Variants in GNG7 observed in about 807,000 individuals in gnomAD.
GNG7 encodes G protein subunit gamma 7, also known as guanine nucleotide-binding protein G(I)/G(S)/G(O) subunit gamma-7.
GNG7 carries 1 observed loss-of-function variant against 4.0 expected under a neutral mutation model. The ratio of observed to expected loss-of-function variants is 0.25; its 90% CI spans 0.09 to 1.18. GNG7 has a LOEUF of 1.18. Among genes scored for constraint, GNG7 ranks in the 50% most tolerant of loss-of-function variants. The pLI is 0.50. For synonymous variants in GNG7, 34 were observed against 36.9 expected (o/e 0.92, Z 0.29); for missense variants, 86 against 91.9 (o/e 0.94, Z 0.26).
chr19:2,662,331 C>T (rs1264435776), intron 1 of GNG7, among the ~76,000 whole-genome samples: 1 of 151,718 alleles, frequency 6.6e-6, no homozygotes, highest in Non-Finnish European at 1.5e-5. Context: ...TCCCCACACA[C>T]CAGCTAGCTG....
At chr19:2,619,909 C>T (rs767474628) in intron 2 of GNG7, among the ~76,000 whole-genome samples, 1 of 151,580 alleles carries the variant, frequency 6.6e-6, no homozygotes, top group Non-Finnish European at 1.5e-5. Context: ...GTGAGTTTTA[C>T]GCTGTGTCAG....
intron 2 of GNG7, among the ~76,000 whole-genome samples, chr19:2,621,471 GCA>G (rs1981867106): frequency 5.3e-5 from 8 of 152,018 alleles, no homozygotes; most frequent in Admixed American, 2.0e-4. Context: ...GCCGAGGTGG[GCA>G]GATCACCTGA....
chr19:2,616,323 C>A (rs1981723048), intron 2 of GNG7, among the ~76,000 whole-genome samples: 1 of 152,092 alleles, frequency 6.6e-6, no homozygotes, highest in African/African-American at 2.4e-5. Context: ...CGACTCATTG[C>A]AACCTCTGCC....
intron 2 of GNG7, among the ~76,000 whole-genome samples, chr19:2,604,212 C>T (rs868812838): frequency 6.6e-6 from 1 of 151,824 alleles, no homozygotes; most frequent in Non-Finnish European, 1.5e-5. Flanking sequence ...ATAATATGCC[C>T]GTCTCCCAGC....
Position 2,557,462 on chromosome 19 carries a change from C to T in GNG7, c.-77-2274G>A, listed in dbSNP as rs979313675. On this transcript the variant is annotated intron_variant, in intron 2 of 4. Coordinates refer to ENST00000382159, the MANE Select transcript of GNG7 (RefSeq NM_052847.3). The surrounding 1 kb of genome is among the most constrained non-coding windows in gnomAD (Gnocchi z 5.1). ...AGTAAACATGCACAGACTCAAGAAA[C>T]GAGGGGCTGCAGGACTTTTCCTCCT... Among the ~76,000 whole-genome samples the T allele has an allele frequency of 2.0e-5, 3 of 152,188 alleles. No homozygotes were observed. Among genetic ancestry groups the T allele is most frequent in the African/African-American group, 7.2e-5 (3 of 41,454 alleles).
chr19:2,566,877 C>A (rs539824744), intron 2 of GNG7, among the ~76,000 whole-genome samples: 1 of 152,132 alleles, frequency 6.6e-6, no homozygotes, highest in East Asian at 1.9e-4. Flanking sequence ...CCGAGGCAGG[C>A]GGATCATCTG....
chr19:2,577,217 G>C (rs1394376741), intron 2 of GNG7, among the ~76,000 whole-genome samples: 1 of 152,182 alleles, frequency 6.6e-6, no homozygotes, highest in African/African-American at 2.4e-5. Context: ...CAGGAGTCCG[G>C]GAACAGCCAA....
intron 2 of GNG7, among the ~76,000 whole-genome samples, chr19:2,563,771 C>G (rs1003039910): frequency 6.6e-6 from 1 of 152,100 alleles, no homozygotes; most frequent in Admixed American, 6.6e-5. Flanking sequence ...CATGAGCCAC[C>G]GCGCCCGGCC....
intron 1 of GNG7, among the ~76,000 whole-genome samples, chr19:2,691,286 G>A (rs372681159): frequency 1.4e-4 from 22 of 152,272 alleles, no homozygotes; most frequent in African/African-American, 3.9e-4. Context: ...ACGCATATCC[G>A]TAATCCCAGC....
chr19:2,541,584 AC>A (rs1411916347), intron 3 of GNG7, among the ~76,000 whole-genome samples: 3 of 151,290 alleles, frequency 2.0e-5, no homozygotes, highest in Non-Finnish European at 4.4e-5. Context: ...AATACAAAAA[AC>A]AAAAAAATTA....
intron 2 of GNG7, among the ~76,000 whole-genome samples, chr19:2,631,252 AG>A (rs1395324610): frequency 2.0e-5 from 3 of 152,158 alleles, no homozygotes; most frequent in Admixed American, 2.0e-4. Flanking sequence ...TCACAGAGCC[AG>A]TAGGTGGCAG....
chr19:2,633,651 T>G lies in GNG7; in HGVS notation c.-78+12573A>C, dbSNP rs558646620. Among the ~76,000 whole-genome samples, 1 of 151,856 alleles carries G rather than the reference T, an allele frequency of 6.6e-6. No homozygotes were observed. The highest frequency in any genetic ancestry group is 1.9e-4 in the East Asian group (1 of 5,132). ...AGTCAGGTGGTCGCAATAACAGCTC[T>G]GAAACGGGGATTCATTGAGAGGACA... On this transcript the variant is annotated intron_variant, in intron 2 of 4. Transcript: ENST00000382159. The surrounding 1 kb of genome is among the most constrained non-coding windows in gnomAD (Gnocchi z 5.9).
intron 2 of GNG7, among the ~76,000 whole-genome samples, chr19:2,566,527 C>T (rs1330313329): frequency 1.7e-4 from 26 of 152,272 alleles, no homozygotes; most frequent in Admixed American, 1.7e-3. Flanking sequence ...AGCCTGGCTC[C>T]GGGGGAAGGG....
At position 2,680,253 on chromosome 19, in the gene GNG7, T is replaced by A. The variant is rs1269391084; in HGVS notation, c.-135+22393A>T. On this transcript the variant is annotated intron_variant, in intron 1 of 4. Coordinates refer to ENST00000382159, the MANE Select transcript of GNG7 (RefSeq NM_052847.3). ...ACCTCCACCTCCCAGGTTCAAGTGA[T>A]TCTCTCTGCCTTAGCCTCCCCGAGT... Among the ~76,000 whole-genome samples the A allele has an allele frequency of 2.0e-5, 3 of 151,008 alleles. No homozygotes were observed. The East Asian group carries it at 5.8e-4, about 29-fold the overall frequency.
intron 2 of GNG7, among the ~76,000 whole-genome samples, chr19:2,619,338 C>G (rs1981805478): frequency 6.6e-6 from 1 of 152,224 alleles, no homozygotes; most frequent in South Asian, 2.1e-4. Flanking sequence ...CTTGTGGTGG[C>G]TTTCCCGCTA....
chr19:2,582,540 T>C (rs1283693985), intron 2 of GNG7, among the ~76,000 whole-genome samples: 1 of 151,796 alleles, frequency 6.6e-6, no homozygotes, highest in Non-Finnish European at 1.5e-5. Flanking sequence ...TGGAGTGTAG[T>C]GGTACAATTG....
At chr19:2,683,622 AG>A (rs1347482600) in intron 1 of GNG7, 1 of 152,362 alleles carries the variant, frequency 6.6e-6, no homozygotes, top group Admixed American at 6.5e-5. Flanking sequence ...GTGTCACTGA[AG>A]CACAAGGTGA....
intron 2 of GNG7, among the ~76,000 whole-genome samples, chr19:2,595,496 G>A (rs1980989521): frequency 1.3e-5 from 2 of 152,050 alleles, no homozygotes; most frequent in East Asian, 2.0e-4. Context: ...CACTTTGGGA[G>A]GCCGAGGCGG....
intron 2 of GNG7, among the ~76,000 whole-genome samples, chr19:2,613,566 G>A (rs1981634193): frequency 6.6e-6 from 1 of 152,208 alleles, no homozygotes; most frequent in Non-Finnish European, 1.5e-5. Flanking sequence ...AGCCTCCTGG[G>A]ACCTCAGTAG....
Sources: allele counts gnomAD v4.1 joint callset (sites outside exome capture counted in the v4.1 genomes callset), GRCh38; gene constraint gnomAD v4.1.1; non-coding constraint Gnocchi (gnomAD v3.1); transcripts MANE v1.5; gene names NCBI Gene and HGNC (gene_info 2026-07-23, HGNC 2026-07-21).